The following DCLK1 variants were observed in gnomAD, a reference collection of about 807,000 sequenced individuals.
DCLK1 encodes the protein serine/threonine-protein kinase DCLK1.
DCLK1 carries 16 observed loss-of-function variants against 86.2 expected under a neutral mutation model. The ratio of observed to expected loss-of-function variants is 0.19; its 90% CI spans 0.13 to 0.28. DCLK1 has a LOEUF of 0.28. Among genes scored for constraint, DCLK1 ranks in the 10% least tolerant of loss-of-function variants. The probability of loss-of-function intolerance (pLI) is 1.00; values close to 1 mark genes in which losing one functional copy is unlikely to be tolerated. For missense variants in DCLK1, 590 were observed against 940.2 expected, an observed-to-expected ratio of 0.63 and a Z score of 4.87; for synonymous variants, 369 against 370.5, an observed-to-expected ratio of 1.00 and a Z score of 0.05.
Position 35,846,917 on chromosome 13 carries a change from T to G in DCLK1, c.1035+7582A>C. The G allele has an allele frequency of 6.1e-6, 6 of 985,334 alleles. No homozygotes were observed. In the South Asian group the frequency reaches 2.8e-4, roughly 46 times the overall value. The allele number at this position is 985,334 out of a possible 1,614,324, so 61.0% of individuals were successfully genotyped here. A position where few individuals can be genotyped will look rare whatever the true frequency, so the allele number is the denominator to read the frequency against. The stretch of plus-strand genomic sequence containing the variant: ...TTTGAAAGAACATACAGAATCGCCT[T>G]ACAGGTTATCTGGCTTTGTTATTAA... On this transcript the variant is annotated intron_variant, in intron 6 of 16. Coordinates refer to ENST00000360631, the MANE Select transcript of DCLK1 (RefSeq NM_001330071.2).
chr13:35,812,121 G>A (rs907682816), intron 11 of DCLK1, among the ~76,000 whole-genome samples: 1 of 152,116 alleles, frequency 6.6e-6, no homozygotes, highest in African/African-American at 2.4e-5. Flanking sequence ...TGTGACTGTA[G>A]GCAAGTATTT....
chr13:36,000,925 G>A (rs1387926482), intron 3 of DCLK1, among the ~76,000 whole-genome samples: 1 of 151,456 alleles, frequency 6.6e-6, no homozygotes, highest in African/African-American at 2.4e-5. Flanking sequence ...TCTACACATT[G>A]CTATAAAAGT....
At chr13:35,784,878 A>T (rs1044338289) in intron 16 of DCLK1, among the ~76,000 whole-genome samples, 4 of 152,010 alleles carry the variant, frequency 2.6e-5, no homozygotes, top group African/African-American at 9.7e-5. Context: ...CTCACACCAC[A>T]CGGAGGTTCC....
At position 35,772,750 on chromosome 13, in the gene DCLK1, A is replaced by G. The variant is rs1338185314; in HGVS notation, c.*1785T>C. 1 of 152,232 alleles carries G rather than the reference A, an allele frequency of 6.6e-6. No individual in the cohort carries two copies. The highest frequency in any genetic ancestry group is 1.9e-4 in the East Asian group (1 of 5,198). 9.4% of individuals were successfully genotyped at this position (152,232 alleles called of 1,614,324 possible). A position where few individuals can be genotyped will look rare whatever the true frequency, so the allele number is the denominator to read the frequency against. ...ACCACAGAGATGAACCTAAATGTAA[A>G]AGAGCAAAAAATTTTGGTGATGGTG... On this transcript the variant is annotated 3_prime_UTR_variant, in exon 17 of 17. Coordinates refer to ENST00000360631, the MANE Select transcript of DCLK1 (RefSeq NM_001330071.2).
intron 3 of DCLK1, among the ~76,000 whole-genome samples, chr13:35,985,013 C>A (rs995516672): frequency 6.6e-6 from 1 of 152,272 alleles, no homozygotes; most frequent in Admixed American, 6.5e-5. Flanking sequence ...TGGAAACAAG[C>A]GTTTGCAGTC....
chr13:35,925,872 C>T (rs1876083394), intron 4 of DCLK1, among the ~76,000 whole-genome samples: 2 of 152,148 alleles, frequency 1.3e-5, no homozygotes, highest in Non-Finnish European at 2.9e-5. Flanking sequence ...AATATGACTA[C>T]ACATCCAAGA....
chr13:35,954,047 T>C (rs1350373530), intron 3 of DCLK1, among the ~76,000 whole-genome samples: 1 of 152,188 alleles, frequency 6.6e-6, no homozygotes, highest in Non-Finnish European at 1.5e-5. Flanking sequence ...CTATTGCAAT[T>C]ATCGAGTATG....
intron 3 of DCLK1, among the ~76,000 whole-genome samples, chr13:36,032,742 A>G (rs1003821266): frequency 9.9e-5 from 15 of 152,166 alleles, no homozygotes; most frequent in African/African-American, 3.4e-4. Flanking sequence ...GCGGCCGTCG[A>G]TGCCCTGGCA....
chr13:36,095,144 C>T (rs184833978), intron 3 of DCLK1, among the ~76,000 whole-genome samples: 75 of 150,768 alleles, frequency 5.0e-4, no homozygotes, highest in Non-Finnish European at 8.0e-4. Context: ...AGAATGTATC[C>T]TCTGATATCT....
intron 2 of DCLK1, among the ~76,000 whole-genome samples, chr13:36,118,687 AAG>A (rs927307743): frequency 1.3e-5 from 2 of 152,150 alleles, no homozygotes; most frequent in Non-Finnish European, 2.9e-5. Flanking sequence ...TTGAGAGATT[AAG>A]AGAGAGAGAC....
chr13:35,915,788 T>C (rs909341117), intron 4 of DCLK1, among the ~76,000 whole-genome samples: 19 of 152,152 alleles, frequency 1.2e-4, no homozygotes. Context: ...TATGCAAAGG[T>C]AAGTAATCTA....
At position 35,794,011 on chromosome 13, in the gene DCLK1, C is replaced by T. The variant is rs529301315; in HGVS notation, c.1945-532G>A. Reference sequence around the variant, plus strand: ...GCAGCCTTCCAGGCAGAAAGATCTTCCTTAAATTTTAAGTCTTTCTTGCTG... The same window carrying T: ...GCAGCCTTCCAGGCAGAAAGATCTTTCTTAAATTTTAAGTCTTTCTTGCTG... On this transcript the variant is annotated intron_variant, in intron 15 of 16. Transcript: ENST00000360631. 5.1e-4 allele frequency among the ~76,000 whole-genome samples: 77 copies of T among 152,268 alleles called. 1 individual carries two copies. The highest frequency in any genetic ancestry group is 1.8e-3 in the African/African-American group (74 of 41,550).
At chr13:35,788,913 TA>T (rs2086663799) in intron 16 of DCLK1, among the ~76,000 whole-genome samples, 1 of 152,166 alleles carries the variant, frequency 6.6e-6, no homozygotes, top group Admixed American at 6.5e-5. Flanking sequence ...AAACAGTCAA[TA>T]AATTTTCTCT....
chr13:36,002,205 C>T (rs1469990738), intron 3 of DCLK1, among the ~76,000 whole-genome samples: 1 of 152,094 alleles, frequency 6.6e-6, no homozygotes, highest in Non-Finnish European at 1.5e-5. Flanking sequence ...TTACTTTAAG[C>T]CAAGTGAGGT....
chr13:35,801,627 G>C (rs1374736214), intron 15 of DCLK1, among the ~76,000 whole-genome samples: 1 of 152,142 alleles, frequency 6.6e-6, no homozygotes, highest in African/African-American at 2.4e-5. Context: ...AAGGTCCAGA[G>C]GGAGCAATGG....
At chr13:35,804,930 A>T (rs942756856) in intron 15 of DCLK1, among the ~76,000 whole-genome samples, 1 of 152,184 alleles carries the variant, frequency 6.6e-6, no homozygotes, top group Non-Finnish European at 1.5e-5. Context: ...ACTGTGTTAG[A>T]ATCTGCGTTT....
chr13:35,942,573 C>T (rs543396828), intron 4 of DCLK1, among the ~76,000 whole-genome samples: 1 of 152,346 alleles, frequency 6.6e-6, no homozygotes, highest in African/African-American at 2.4e-5. Flanking sequence ...CAAACAAACA[C>T]AATCCCTTCC....
At chr13:35,806,053 T>C (rs934230215) in intron 14 of DCLK1, among the ~76,000 whole-genome samples, 7 of 152,208 alleles carry the variant, frequency 4.6e-5, no homozygotes, top group African/African-American at 1.7e-4. Context: ...AAAGAAATTA[T>C]ACAAGTTAAG....
At chr13:36,073,201 C>T (rs1884043211) in intron 3 of DCLK1, among the ~76,000 whole-genome samples, 1 of 152,200 alleles carries the variant, frequency 6.6e-6, no homozygotes, top group Non-Finnish European at 1.5e-5. Flanking sequence ...AGAACACTTT[C>T]ATCACCTTGG....
Sources: gnomAD v4.1 joint callset for allele counts (sites outside exome capture counted in the v4.1 genomes callset) on GRCh38, gnomAD v4.1.1 for gene constraint, MANE v1.5 for transcripts, NCBI Gene and HGNC (gene_info 2026-07-23, HGNC 2026-07-21) for gene names.